Variants in NAV3 observed in about 807,000 individuals in gnomAD.
The protein encoded by NAV3 is pore membrane and/or filament interacting like protein 1.
Under a neutral mutation model 244.7 loss-of-function variants are expected in NAV3, and 87 were observed. The observed-to-expected ratio is 0.36, with a 90% CI of 0.30 to 0.42. The LOEUF is 0.42. NAV3 is among the 20% of genes least tolerant of loss of function. The pLI is 1.00. For missense variants in NAV3, 2,663 were observed against 2,893.3 expected (o/e 0.92, Z 1.83); for synonymous variants, 1,126 against 1,042.2 (o/e 1.08, Z -1.55).
rs1246321587 is a variant in NAV3, at chr12:78,006,315, G to A, written c.881-104G>A. The A allele has an allele frequency of 6.7e-6, 7 of 1,038,822 alleles. No individual in the cohort carries two copies. The African/African-American group carries it at 8.0e-5, about 12-fold the overall frequency. The allele number at this position is 1,038,822 out of a possible 1,614,324, so 64.4% of individuals were successfully genotyped here. A position where few individuals can be genotyped will look rare whatever the true frequency, so the allele number is the denominator to read the frequency against. ...GCTGCAGTCTCTTTTCAGTTCAGAGGAGAGAGACTTCTATCCATCAATAGT... is the reference window on the plus strand; with the variant it reads ...GCTGCAGTCTCTTTTCAGTTCAGAGAAGAGAGACTTCTATCCATCAATAGT... On this transcript the variant is annotated intron_variant, in intron 7 of 39. Transcript: ENST00000397909.
chr12:77,720,387 C>T (rs888990367), intron 2 of NAV3, among the ~76,000 whole-genome samples: 8 of 152,116 alleles, frequency 5.3e-5, no homozygotes, highest in Admixed American at 2.0e-4. Context: ...GGTGTCTTCT[C>T]AGGAAGTGTG....
At chr12:77,825,806 C>T (rs917530527) in intron 2 of NAV3, among the ~76,000 whole-genome samples, 5 of 151,800 alleles carry the variant, frequency 3.3e-5, no homozygotes, top group Admixed American at 2.6e-4. Flanking sequence ...GGACCTATAC[C>T]GAAATATATA....
intron 2 of NAV3, among the ~76,000 whole-genome samples, chr12:77,703,111 C>A (rs1025285062): frequency 6.6e-6 from 1 of 152,008 alleles, no homozygotes; most frequent in Non-Finnish European, 1.5e-5. Context: ...ATAAATCTGT[C>A]CTGCTCCACC....
chr12:77,738,172 G>A (rs981151545), intron 2 of NAV3, among the ~76,000 whole-genome samples: 10 of 152,222 alleles, frequency 6.6e-5, no homozygotes, highest in African/African-American at 2.4e-4. Flanking sequence ...AAATTTAAAA[G>A]GATAATGGCA....
intron 2 of NAV3, among the ~76,000 whole-genome samples, chr12:77,805,622 A>C (rs1871936593): frequency 6.7e-6 from 1 of 149,410 alleles, no homozygotes; most frequent in African/African-American, 2.4e-5. Flanking sequence ...ATTGGGCTGA[A>C]ATTTTCTTTT....
chr12:78,138,472 C>T (rs1956468732), intron 19 of NAV3, among the ~76,000 whole-genome samples: 2 of 152,108 alleles, frequency 1.3e-5, no homozygotes, highest in South Asian at 4.1e-4. Flanking sequence ...ATTCAATATA[C>T]TGGCATTAAA....
rs539261994 is a variant in NAV3 at position 77,871,973 on chromosome 12, C to T, written c.243+40269C>T. On this transcript the variant is annotated intron_variant, in intron 1 of 39. Transcript: ENST00000397909. ...TGTACTTTCCTGACTTTTTAGTGAC[C>T]GCCATTCTAACTGGCATGAGATGGT... Among the ~76,000 whole-genome samples, 11 of 152,182 alleles carry T rather than the reference C, an allele frequency of 7.2e-5. No individual in the cohort carries two copies. The South Asian group carries it at 1.2e-3, about 17-fold the overall frequency.
At chr12:77,574,130 C>G (rs1311571170) in intron 2 of NAV3, among the ~76,000 whole-genome samples, 1 of 152,102 alleles carries the variant, frequency 6.6e-6, no homozygotes, top group Non-Finnish European at 1.5e-5. Flanking sequence ...TCACTATAGC[C>G]TCGCCTTCTC....
intron 1 of NAV3, among the ~76,000 whole-genome samples, chr12:77,845,657 T>C (rs1876499177): frequency 6.7e-6 from 1 of 150,356 alleles, no homozygotes; most frequent in African/African-American, 2.4e-5. Flanking sequence ...AATACTTTTT[T>C]TTTTTTTTTT....
At chr12:77,963,362 A>G (rs1183966356) in intron 3 of NAV3, among the ~76,000 whole-genome samples, 2 of 152,142 alleles carry the variant, frequency 1.3e-5, no homozygotes, top group African/African-American at 4.8e-5. Flanking sequence ...CTCTGGTGAG[A>G]AAGTGACCAT....
intron 2 of NAV3, among the ~76,000 whole-genome samples, chr12:77,784,985 T>C (rs2135927032): frequency 6.6e-6 from 1 of 152,248 alleles, no homozygotes; most frequent in Non-Finnish European, 1.5e-5. Context: ...AGGATGAATT[T>C]GGGTACAGTT....
At chr12:78,179,987 T>C (rs1958430133) in intron 29 of NAV3, among the ~76,000 whole-genome samples, 1 of 152,148 alleles carries the variant, frequency 6.6e-6, no homozygotes, top group African/African-American at 2.4e-5. Flanking sequence ...GCTTCTTCAC[T>C]TTTCCATCAT....
chr12:77,837,958 C>T (rs1439089996), intron 1 of NAV3, among the ~76,000 whole-genome samples: 1 of 152,174 alleles, frequency 6.6e-6, no homozygotes, highest in African/African-American at 2.4e-5. Context: ...CTGTTTCCTT[C>T]TTGGAGAAGT....
rs181109517 is a variant in NAV3 at position 78,138,126 on chromosome 12, A to T, written c.4630+761A>T. ...AAGCATGTCAGCTAAGGATAAAATA[A>T]AACTAGACATACAAATTCAAACTGA... On this transcript the variant is annotated intron_variant, in intron 19 of 39. Coordinates refer to ENST00000397909, the MANE Select transcript of NAV3 (RefSeq NM_001024383.2). Among the ~76,000 whole-genome samples the T allele has an allele frequency of 9.0e-3, 1,377 of 152,280 alleles. 9 individuals carry two copies. Among genetic ancestry groups the T allele is most frequent in the Non-Finnish European group, 0.015 (1,019 of 68,006 alleles).
intron 1 of NAV3, among the ~76,000 whole-genome samples, chr12:77,902,348 G>T (rs1200426710): frequency 6.6e-6 from 1 of 152,150 alleles, no homozygotes; most frequent in Non-Finnish European, 1.5e-5. Context: ...AACAGACCAT[G>T]ATTTTGAAAC....
rs183911752 is a variant in NAV3, at chr12:77,803,757, G to A, written c.73-136562G>A. 1.8e-4 allele frequency among the ~76,000 whole-genome samples: 28 copies of A among 152,238 alleles called. No homozygotes were observed. In the East Asian group the frequency reaches 3.9e-3, roughly 21 times the overall value. ...ACACTCCCACCAACAGTGTAAAAGC[G>A]TTTATATTTCTAGACATCCTCTCCA... is the stretch of plus-strand genomic sequence containing the variant. On this transcript the variant is annotated intron_variant, in intron 2 of 8. Coordinates refer to the NAV3 transcript ENST00000550042.
intron 23 of NAV3, among the ~76,000 whole-genome samples, chr12:78,161,083 G>C (rs888928878): frequency 2.2e-4 from 33 of 151,934 alleles, no homozygotes; most frequent in Admixed American, 5.9e-4. Flanking sequence ...AAAAACACTG[G>C]GCCCCAGTAT....
At chr12:77,778,256 G>T (rs1260108797) in intron 2 of NAV3, among the ~76,000 whole-genome samples, 2 of 136,502 alleles carry the variant, frequency 1.5e-5, no homozygotes, top group African/African-American at 2.7e-5. Context: ...CCCGCCCCCC[G>T]TCCTTGCTTC....
At chr12:78,143,401 C>A (rs189876133) in intron 20 of NAV3, 3 of 445,110 alleles carry the variant, frequency 6.7e-6, no homozygotes, top group African/African-American at 4.1e-5. Context: ...GAGGCTGAGG[C>A]GGGTGGATCA....
Sources: gnomAD v4.1 joint callset for allele counts (sites outside exome capture counted in the v4.1 genomes callset) on GRCh38, gnomAD v4.1.1 for gene constraint, MANE v1.5 for transcripts, NCBI Gene and HGNC (gene_info 2026-07-23, HGNC 2026-07-21) for gene names.